Variants in GFRA2 observed in about 807,000 individuals in gnomAD.
GFRA2 encodes the protein GDNF family receptor alpha 2.
Under a neutral mutation model 48.3 loss-of-function variants are expected in GFRA2, and 17 were observed. That is an observed-to-expected ratio of 0.35 (90% CI 0.24 to 0.53). The LOEUF is 0.53. GFRA2 is among the 20% of genes least tolerant of loss of function. The probability of loss-of-function intolerance (pLI) is 0.93; values close to 1 mark genes in which losing one functional copy is unlikely to be tolerated. For missense variants in GFRA2, 660 were observed against 637.3 expected, an observed-to-expected ratio of 1.04 and a Z score of -0.38; for synonymous variants, 305 against 257.2, an observed-to-expected ratio of 1.19 and a Z score of -1.78.
chr8:21,782,864 G>C lies in GFRA2; in HGVS notation c.76C>G (p.Leu26Val). The C allele has an allele frequency of 6.4e-7, 1 of 1,567,140 alleles. No individual in the cohort carries two copies. Among genetic ancestry groups the C allele is most frequent in the Non-Finnish European group, 8.6e-7 (1 of 1,163,840 alleles). Reference sequence around the variant, plus strand: ...CAGCCGTGGAGCTCGGGGCCCTGCAGGGAGGAAGGGCTGGCCAAAGAGCGG... The same window carrying C: ...CAGCCGTGGAGCTCGGGGCCCTGCACGGAGGAAGGGCTGGCCAAAGAGCGG... Reference protein sequence around the residue: ...TLRSLASPSSLQGPELHGWRP... With the variant: ...TLRSLASPSSVQGPELHGWRP... Residue 26 changes from leucine (L) to valine (V), a missense_variant, in exon 2 of 9, where the codon CTG becomes GTG. Transcript: ENST00000524240.
upstream of GFRA2, among the ~76,000 whole-genome samples, chr8:21,792,563 C>T (rs941327111): frequency 4.7e-4 from 72 of 152,202 alleles, no homozygotes; most frequent in Middle Eastern, 6.8e-3. Context: ...TAGAGTCAAG[C>T]GTGTAGCTAT....
chr8:21,776,363 C>A (rs906963689), intron 2 of GFRA2, among the ~76,000 whole-genome samples: 2 of 152,126 alleles, frequency 1.3e-5, no homozygotes, highest in African/African-American at 4.8e-5. Context: ...GAACAGCCTC[C>A]ACCTTTCACG....
Position 21,737,634 on chromosome 8 carries a change from G to A in GFRA2, c.794+12954C>T, listed in dbSNP as rs573815273. Among the ~76,000 whole-genome samples the A allele has an allele frequency of 4.6e-5, 7 of 152,082 alleles. No homozygotes were observed. In the East Asian group the frequency reaches 5.8e-4, roughly 13 times the overall value. On this transcript the variant is annotated intron_variant, in intron 4 of 8. Transcript: ENST00000524240. ...CTTCAGCCCTGAGCAGTACAGTCCC[G>A]CCGTCCAGGAGGCTCAGTCCTGCCT...
intron 3 of GFRA2, among the ~76,000 whole-genome samples, chr8:21,767,612 G>A (rs1042009215): frequency 3.2e-4 from 48 of 152,348 alleles, no homozygotes; most frequent in African/African-American, 8.2e-4. Context: ...GAGCAGGGGC[G>A]TCCGGCCAAG....
chr8:21,719,101 C>T (rs1009350884), intron 4 of GFRA2, among the ~76,000 whole-genome samples: 5 of 152,084 alleles, frequency 3.3e-5, no homozygotes, highest in Admixed American at 3.3e-4. Context: ...TGGGAAATGA[C>T]CTAAGAGGGC....
intron 2 of GFRA2, among the ~76,000 whole-genome samples, chr8:21,796,894 C>T (rs1807686757): frequency 1.3e-5 from 2 of 152,244 alleles, no homozygotes; most frequent in Admixed American, 1.3e-4. Flanking sequence ...AGTGCACGGC[C>T]TTCAACAGCC....
chr8:21,774,000 G>A (rs910652011), intron 3 of GFRA2, among the ~76,000 whole-genome samples: 23 of 152,142 alleles, frequency 1.5e-4, no homozygotes, highest in African/African-American at 3.9e-4. Flanking sequence ...TGAAAACCCC[G>A]CTTTAGAGCC....
chr8:21,801,149 C>T (rs1424303046), intron 2 of GFRA2, among the ~76,000 whole-genome samples: 3 of 151,926 alleles, frequency 2.0e-5, no homozygotes, highest in East Asian at 3.9e-4. Context: ...AGGAGAACAT[C>T]CCAAGGTGCT....
At chr8:21,775,118 C>G in intron 2 of GFRA2, 63 bp from the exon 3 acceptor site, 1 of 822,612 alleles carries the variant, frequency 1.2e-6, no homozygotes, top group Middle Eastern at 2.4e-4. Flanking sequence ...CGGCACTTAG[C>G]AAATCTGCCG....
chr8:21,750,532 G>T lies in GFRA2; in HGVS notation c.794+56C>A. 1.0e-6 allele frequency: 1 copy of T among 959,794 alleles called. No individual in the cohort carries two copies. The highest frequency in any genetic ancestry group is 1.6e-6 in the Non-Finnish European group (1 of 626,200). 59.5% of individuals were successfully genotyped at this position (959,794 alleles called of 1,614,324 possible). On this transcript the variant is annotated intron_variant, in intron 4 of 8. Transcript: ENST00000524240. The surrounding 1 kb of genome is among the most constrained non-coding windows in gnomAD (Gnocchi z 5.7). Reference sequence around the variant, plus strand: ...AGGAATGCAGAGAAAGGAAAACACAGCCTGGCAATGCAAGCGCCCTCCTGC... The same window carrying T: ...AGGAATGCAGAGAAAGGAAAACACATCCTGGCAATGCAAGCGCCCTCCTGC...
chr8:21,804,598 G>A (rs1019954960), intron 2 of GFRA2, among the ~76,000 whole-genome samples: 11 of 152,032 alleles, frequency 7.2e-5, no homozygotes, highest in Admixed American at 7.2e-4. Context: ...ACCAGAGGTG[G>A]GCCCACCCTG....
intron 4 of GFRA2, among the ~76,000 whole-genome samples, chr8:21,718,811 C>G (rs1803457894): frequency 6.6e-6 from 1 of 152,148 alleles, no homozygotes; most frequent in Admixed American, 6.6e-5. Context: ...AACACAGCAG[C>G]AAGGCCAGAA....
At chr8:21,738,086 A>AT (rs1192177787) in intron 4 of GFRA2, among the ~76,000 whole-genome samples, 4 of 151,798 alleles carry the variant, frequency 2.6e-5, no homozygotes. Flanking sequence ...AGGCTTTCAA[A>AT]TAAGTCTGAA....
chr8:21,708,261 C>T (rs1194323373), intron 4 of GFRA2, among the ~76,000 whole-genome samples: 1 of 152,230 alleles, frequency 6.6e-6, no homozygotes, highest in African/African-American at 2.4e-5. Context: ...TTCCTCAAAA[C>T]AAGCAGCAGC....
chr8:21,759,971 T>C (rs577583594), intron 3 of GFRA2, among the ~76,000 whole-genome samples: 2 of 150,078 alleles, frequency 1.3e-5, no homozygotes, highest in African/African-American at 4.9e-5. Context: ...GTAGAATGAC[T>C]AAAATGGCGG....
chr8:21,713,040 G>A (rs1029809159), intron 4 of GFRA2, among the ~76,000 whole-genome samples: 12 of 131,492 alleles, frequency 9.1e-5, no homozygotes, highest in Admixed American at 7.7e-4. Flanking sequence ...GGGAGACGAG[G>A]GAGAGGGAGA....
At chr8:21,774,928 G>A in intron 3 of GFRA2, 44 bp downstream of exon 3, 1 of 1,054,702 alleles carries the variant, frequency 9.5e-7, no homozygotes, top group Non-Finnish European at 1.5e-6. Flanking sequence ...CATGCCACAG[G>A]GACGAGAGGA....
Position 21,783,035 on chromosome 8 carries a change from G to C in GFRA2, c.41-136C>G, listed in dbSNP as rs2117074090. 9 of 818,068 alleles carry C rather than the reference G, an allele frequency of 1.1e-5. No homozygotes were observed. In the East Asian group the frequency reaches 2.4e-4, roughly 22 times the overall value. The allele number at this position is 818,068 out of a possible 1,614,324, so 50.7% of individuals were successfully genotyped here. A position where few individuals can be genotyped will look rare whatever the true frequency, so the allele number is the denominator to read the frequency against. ...AAAGCACACCAAGGCGACTCTGTGGGACAGCCCTCCTCATACCCCAGGGAG... is the reference window on the plus strand; with the variant it reads ...AAAGCACACCAAGGCGACTCTGTGGCACAGCCCTCCTCATACCCCAGGGAG... On this transcript the variant is annotated intron_variant, in intron 1 of 8. Transcript: ENST00000524240.
intron 3 of GFRA2, among the ~76,000 whole-genome samples, chr8:21,759,453 A>T (rs555103332): frequency 1.1e-5 from 1 of 91,096 alleles, no homozygotes; most frequent in South Asian, 5.2e-4. Flanking sequence ...AGAGAGGGAG[A>T]GAGGGAGGGA....
Sources: allele counts gnomAD v4.1 joint callset (sites outside exome capture counted in the v4.1 genomes callset), GRCh38; gene constraint gnomAD v4.1.1; non-coding constraint Gnocchi (gnomAD v3.1); transcripts MANE v1.5; gene names NCBI Gene and HGNC (gene_info 2026-07-23, HGNC 2026-07-21).